CREBL2: variants seen among roughly 807,000 people sequenced by gnomAD.
The protein encoded by CREBL2 is cAMP-responsive element-binding protein-like 2.
In CREBL2, 4 loss-of-function variants were observed where a neutral mutation model predicts 19.5. That is an observed-to-expected ratio of 0.20 (90% CI 0.10 to 0.47). The LOEUF (loss-of-function observed/expected upper bound fraction) is 0.47. Among genes scored for constraint, CREBL2 ranks in the 20% least tolerant of loss-of-function variants. The probability of loss-of-function intolerance (pLI) is 0.98; values close to 1 mark genes in which losing one functional copy is unlikely to be tolerated. For missense variants in CREBL2, 85 were observed against 145.1 expected (o/e 0.59, Z 2.13); for synonymous variants, 42 against 46.6 (o/e 0.90, Z 0.40).
In CREBL2 at chr12:12,643,035, A is replaced by G. The variant is rs1398775422; in HGVS notation, c.*1037A>G. 2 of 152,678 alleles carry G rather than the reference A, an allele frequency of 1.3e-5. No homozygotes were observed. The highest frequency in any genetic ancestry group is 2.9e-5 in the Non-Finnish European group (2 of 68,040). 9.5% of individuals were successfully genotyped at this position (152,678 alleles called of 1,614,324 possible). A position where few individuals can be genotyped will look rare whatever the true frequency, so the allele number is the denominator to read the frequency against. ...GCTGGTAGATCTACTGACTGTAGCC[A>G]TCACCAGAACACTTAGTTTCTTCCC... On this transcript the variant is annotated 3_prime_UTR_variant, in exon 4 of 4. Coordinates refer to ENST00000228865, the MANE Select transcript of CREBL2 (RefSeq NM_001310.4).
At chr12:12,622,157 A>G (rs1306728883) in intron 1 of CREBL2, among the ~76,000 whole-genome samples, 1 of 152,228 alleles carries the variant, frequency 6.6e-6, no homozygotes, top group African/African-American at 2.4e-5. Context: ...AATGTAATAT[A>G]TGTGTGATCC....
chr12:12,635,790 A>C lies in CREBL2; in HGVS notation c.29A>C (p.Lys10Thr). The C allele has an allele frequency of 6.2e-7, 1 of 1,611,234 alleles. No homozygotes were observed. The highest frequency in any genetic ancestry group is 1.7e-5 in the Admixed American group (1 of 59,416). The change falls in exon 2 of 4, where the codon AAA becomes ACA. Residue 10 changes from lysine to threonine, a missense_variant. By Grantham distance (78) the Lys-to-Thr change is moderately conservative (BLOSUM62 -1). Around this residue, in one of 5 missense-constraint regions of CREBL2, gnomAD observed 16 missense variants for 17.0 expected, o/e 0.94. Coordinates refer to ENST00000228865, the MANE Select transcript of CREBL2 (RefSeq NM_001310.4). MDDSKVVGGKVKKPGKRGRK... is the reference protein window; with the variant it reads MDDSKVVGGTVKKPGKRGRK... ...CGCTTGCTGAAGGTGGTTGGAGGCA[A>C]AGTAAAGAAGCCCGGTAAACGTGGT... is the stretch of plus-strand genomic sequence containing the variant.
chr12:12,634,135 T>C (rs1239275549), intron 1 of CREBL2, among the ~76,000 whole-genome samples: 1 of 151,666 alleles, frequency 6.6e-6, no homozygotes, highest in Non-Finnish European at 1.5e-5. Flanking sequence ...AATACTACTT[T>C]TCAGAAAATC....
chr12:12,618,707 C>T (rs937972667), intron 1 of CREBL2, among the ~76,000 whole-genome samples: 3 of 152,178 alleles, frequency 2.0e-5, no homozygotes, highest in Non-Finnish European at 2.9e-5. Flanking sequence ...TGTAGCGAGC[C>T]GAGATCGCGC....
chr12:12,631,122 CT>C (rs1945439389), intron 1 of CREBL2, among the ~76,000 whole-genome samples: 1 of 152,204 alleles, frequency 6.6e-6, no homozygotes, highest in Non-Finnish European at 1.5e-5. Flanking sequence ...GACTTTAACA[CT>C]TTTGACATAT....
intron 1 of CREBL2, among the ~76,000 whole-genome samples, chr12:12,634,120 G>A (rs139524655): frequency 6.6e-6 from 1 of 152,178 alleles, no homozygotes; most frequent in East Asian, 1.9e-4. Flanking sequence ...ATAAAAACAG[G>A]CTCCAATACT....
intron 1 of CREBL2, among the ~76,000 whole-genome samples, chr12:12,633,275 T>C (rs1945453713): frequency 1.3e-5 from 2 of 151,090 alleles, no homozygotes; most frequent in African/African-American, 4.9e-5. Context: ...ACATGACGAT[T>C]GGGCCAGGCC....
chr12:12,633,142 G>A (rs1945452839), intron 1 of CREBL2, among the ~76,000 whole-genome samples: 2 of 151,954 alleles, frequency 1.3e-5, no homozygotes, highest in African/African-American at 4.8e-5. Flanking sequence ...TCACCATATT[G>A]GCCAGGCTGG....
intron 1 of CREBL2, among the ~76,000 whole-genome samples, chr12:12,630,530 C>G (rs76348259): frequency 6.6e-6 from 1 of 151,866 alleles, no homozygotes; most frequent in Non-Finnish European, 1.5e-5. Context: ...TTTTGTTGAT[C>G]CTTTTGAGGA....
At chr12:12,632,297 T>C (rs985286330) in intron 1 of CREBL2, among the ~76,000 whole-genome samples, 1 of 151,812 alleles carries the variant, frequency 6.6e-6, no homozygotes, top group Non-Finnish European at 1.5e-5. Flanking sequence ...CAGGATGGTC[T>C]CGATCTCCTG....
intron 1 of CREBL2, 101 bp downstream of exon 1, chr12:12,612,288 A>C: frequency 6.3e-7 from 1 of 1,596,006 alleles, no homozygotes; most frequent in Non-Finnish European, 8.5e-7. Flanking sequence ...CCCAAGAGAC[A>C]CCTGCCTAAA....
At position 12,642,064 on chromosome 12, in the gene CREBL2, A is replaced by G. The variant is rs1010903282; in HGVS notation, c.*66A>G. The G allele has an allele frequency of 7.6e-7, 1 of 1,309,720 alleles. No homozygotes were observed. Among genetic ancestry groups the G allele is most frequent in the African/African-American group, 1.5e-5 (1 of 67,668 alleles). 81.1% of individuals were successfully genotyped at this position (1,309,720 alleles called of 1,614,324 possible). ...TGATTCCCATGGAAGATGGATGGGC[A>G]AGAGTGTACTTCTTGGCTCCATTTA... On this transcript the variant is annotated 3_prime_UTR_variant, in exon 4 of 4. Coordinates refer to ENST00000228865, the MANE Select transcript of CREBL2 (RefSeq NM_001310.4).
At chr12:12,637,457 T>C in intron 2 of CREBL2, 113 bp from the exon 3 acceptor site, 1 of 610,470 alleles carries the variant, frequency 1.6e-6, no homozygotes, top group Non-Finnish European at 2.3e-6. Context: ...CCTCTAGCCA[T>C]GGGAGTTCCT....
intron 1 of CREBL2, among the ~76,000 whole-genome samples, chr12:12,615,019 G>A (rs934789172): frequency 5.9e-5 from 9 of 151,968 alleles, no homozygotes; most frequent in African/African-American, 1.9e-4. Context: ...CACCATGTCC[G>A]GCTAATTTTT....
In CREBL2 at chr12:12,612,004, G is replaced by C. The variant is rs923209871; in HGVS notation, c.-169G>C. The C allele has an allele frequency of 8.9e-6, 7 of 789,904 alleles. No individual in the cohort carries two copies. The African/African-American group carries it at 1.2e-4, about 14-fold the overall frequency. 48.9% of individuals were successfully genotyped at this position (789,904 alleles called of 1,614,324 possible). A position where few individuals can be genotyped will look rare whatever the true frequency, so the allele number is the denominator to read the frequency against. ...GGTCCGCTCTGCCATTCCTGAACTGGTCCCTCGTCCCCGTGACTCTGGCAT... is the reference window on the plus strand; with the variant it reads ...GGTCCGCTCTGCCATTCCTGAACTGCTCCCTCGTCCCCGTGACTCTGGCAT... On this transcript the variant is annotated 5_prime_UTR_variant, in exon 1 of 4. Coordinates refer to ENST00000228865, the MANE Select transcript of CREBL2 (RefSeq NM_001310.4).
At chr12:12,636,668 G>A (rs1251214438) in intron 2 of CREBL2, among the ~76,000 whole-genome samples, 2 of 152,154 alleles carry the variant, frequency 1.3e-5, no homozygotes, top group African/African-American at 4.8e-5. Context: ...TGGTCCACTC[G>A]CCTTGGCCTC....
rs1470672984 is a variant in CREBL2 at position 12,616,967 on chromosome 12, CATG to C, written c.15+4789_15+4791del. Among the ~76,000 whole-genome samples the C allele has an allele frequency of 4.6e-5, 7 of 152,228 alleles. No homozygotes were observed. In the East Asian group the frequency reaches 9.6e-4, roughly 21 times the overall value. ...GTATTTGAGTGAGTAGGTCAGGAAA[CATG>C]ATGATGATAATGTGAGGGCCTCCCT... On this transcript the variant is annotated intron_variant, in intron 1 of 3. Coordinates refer to ENST00000228865, the MANE Select transcript of CREBL2 (RefSeq NM_001310.4).
At chr12:12,637,267 A>G (rs925259270) in intron 2 of CREBL2, among the ~76,000 whole-genome samples, 3 of 152,052 alleles carry the variant, frequency 2.0e-5, no homozygotes, top group Admixed American at 6.6e-5. Context: ...CTAGTGGCAC[A>G]CTGTGGGGAG....
At chr12:12,630,219 A>AGGCT (rs1010267545) in intron 1 of CREBL2, among the ~76,000 whole-genome samples, 5 of 152,150 alleles carry the variant, frequency 3.3e-5, no homozygotes, top group Non-Finnish European at 7.4e-5. Context: ...ATGTAAACCT[A>AGGCT]GGCTTTTCTT....
Sources: gnomAD v4.1 joint callset for allele counts (sites outside exome capture counted in the v4.1 genomes callset) on GRCh38, gnomAD v4.1.1 for gene constraint, gnomAD v4.1.1 regional missense constraint, MANE v1.5 for transcripts, NCBI Gene and HGNC (gene_info 2026-07-23, HGNC 2026-07-21) for gene names.